FAM135B: variants seen among roughly 807,000 people sequenced by gnomAD.
FAM135B encodes the protein family with sequence similarity 135 member B.
A neutral mutation model predicts 127.7 loss-of-function variants in FAM135B; 43 were observed. That is an observed-to-expected ratio of 0.34 (90% confidence interval 0.26 to 0.43). The LOEUF is 0.43. Ranked by LOEUF, FAM135B falls within the 20% of genes least tolerant of loss-of-function variation. The pLI is 1.00. For synonymous variants in FAM135B, 670 were observed against 665.1 expected, an observed-to-expected ratio of 1.01 and a Z score of -0.11; for missense variants, 1,558 against 1,725.6, an observed-to-expected ratio of 0.90 and a Z score of 1.72.
At chr8:138,431,138 A>C (rs1293437363) in intron 1 of FAM135B, among the ~76,000 whole-genome samples, 5 of 152,190 alleles carry the variant, frequency 3.3e-5, no homozygotes, top group Admixed American at 6.5e-5. Context: ...ACCACTGAAA[A>C]TGGGGAAAAT....
At chr8:138,426,425 T>TA (rs947018827) in intron 1 of FAM135B, among the ~76,000 whole-genome samples, 9 of 151,642 alleles carry the variant, frequency 5.9e-5, no homozygotes, top group Non-Finnish European at 8.8e-5. Flanking sequence ...CAATATCTAC[T>TA]AAAACTAAGC....
intron 7 of FAM135B, among the ~76,000 whole-genome samples, chr8:138,217,584 C>T (rs980290098): frequency 6.6e-6 from 1 of 152,014 alleles, no homozygotes; most frequent in African/African-American, 2.4e-5. Flanking sequence ...GCGCCCACCG[C>T]CACACCCAGC....
chr8:138,197,734 T>C (rs2131142800), intron 7 of FAM135B, 65 bp from the exon 8 acceptor site: 1 of 1,545,722 alleles, frequency 6.5e-7, no homozygotes, highest in Non-Finnish European at 8.9e-7. Flanking sequence ...CACAGGGCTG[T>C]GATGCTCCAT....
At chr8:138,369,244 G>C (rs1309755409) in intron 1 of FAM135B, among the ~76,000 whole-genome samples, 1 of 152,158 alleles carries the variant, frequency 6.6e-6, no homozygotes, top group African/African-American at 2.4e-5. Context: ...AGAAGGAGGA[G>C]AGGGGAAAGG....
chr8:138,145,475 A>T (rs1311534695), intron 15 of FAM135B, among the ~76,000 whole-genome samples: 1 of 152,114 alleles, frequency 6.6e-6, no homozygotes, highest in Non-Finnish European at 1.5e-5. Context: ...CTGTGAGGAG[A>T]TGGTGGTATC....
intron 10 of FAM135B, among the ~76,000 whole-genome samples, chr8:138,177,856 C>A (rs967415803): frequency 1.3e-5 from 2 of 152,210 alleles, no homozygotes; most frequent in Non-Finnish European, 2.9e-5. Context: ...AGATGTTGAT[C>A]TAAATACCAG....
intron 1 of FAM135B, among the ~76,000 whole-genome samples, chr8:138,479,942 G>A (rs1327000950): frequency 6.6e-6 from 1 of 152,008 alleles, no homozygotes; most frequent in Non-Finnish European, 1.5e-5. Flanking sequence ...ATCCCCCAAG[G>A]CTTACCCCAT....
chr8:138,160,408 A>C (rs189361360), intron 12 of FAM135B, among the ~76,000 whole-genome samples: 217 of 151,660 alleles, frequency 1.4e-3, no homozygotes, highest in African/African-American at 5.0e-3. Flanking sequence ...TTTTCTTTTG[A>C]GATGGAGTCT....
chr8:138,289,185 G>C (rs1033307470), intron 3 of FAM135B, among the ~76,000 whole-genome samples: 1 of 152,186 alleles, frequency 6.6e-6, no homozygotes, highest in Non-Finnish European at 1.5e-5. Flanking sequence ...ATAAAAGAGA[G>C]AGATTCTTGC....
chr8:138,160,567 T>TG, intron 12 of FAM135B, among the ~76,000 whole-genome samples: 1 of 151,118 alleles, frequency 6.6e-6, no homozygotes, highest in African/African-American at 2.4e-5. Flanking sequence ...TTTTTTTTTT[T>TG]TTTGTATTTT....
At chr8:138,356,586 A>T (rs1170308675) in intron 2 of FAM135B, among the ~76,000 whole-genome samples, 1 of 152,196 alleles carries the variant, frequency 6.6e-6, no homozygotes, top group African/African-American at 2.4e-5. Context: ...ATGATGGTGA[A>T]GTGATTTTTT....
At chr8:138,248,527 T>A (rs1489835434) in intron 6 of FAM135B, among the ~76,000 whole-genome samples, 1 of 152,122 alleles carries the variant, frequency 6.6e-6, no homozygotes, top group East Asian at 1.9e-4. Flanking sequence ...ATCTCATTTT[T>A]AAAAAATTTC....
At position 138,484,515 on chromosome 8, in the gene FAM135B, T is replaced by C. The variant is rs529203527; in HGVS notation, c.-20+12156A>G. Among the ~76,000 whole-genome samples the C allele has an allele frequency of 5.3e-5, 8 of 152,318 alleles. No individual in the cohort carries two copies. The South Asian group carries it at 1.7e-3, about 32-fold the overall frequency. ...GAACAGTATTTTGCCCTCTTGGCTT[T>C]TATTTTTTTAGGGCTAATGATGGCC... is the stretch of plus-strand genomic sequence containing the variant. On this transcript the variant is annotated intron_variant, in intron 1 of 19. Transcript: ENST00000395297.
At chr8:138,222,810 T>C (rs1454202632) in intron 7 of FAM135B, among the ~76,000 whole-genome samples, 4 of 152,066 alleles carry the variant, frequency 2.6e-5, no homozygotes, top group Non-Finnish European at 5.9e-5. Context: ...TGAATAATTA[T>C]TCTTAAATTA....
intron 5 of FAM135B, among the ~76,000 whole-genome samples, chr8:138,251,539 GAAC>G (rs1469280800): frequency 8.5e-5 from 13 of 152,114 alleles, no homozygotes; most frequent in African/African-American, 2.7e-4. Flanking sequence ...GAATTAAAAT[GAAC>G]AACTGACTGA....
chr8:138,316,604 G>C (rs1827112888), intron 2 of FAM135B, among the ~76,000 whole-genome samples: 1 of 152,184 alleles, frequency 6.6e-6, no homozygotes, highest in South Asian at 2.1e-4. Context: ...CAATTATGCA[G>C]GCAAAGTGGA....
At chr8:138,324,834 G>A (rs543993596) in intron 2 of FAM135B, among the ~76,000 whole-genome samples, 22 of 152,278 alleles carry the variant, frequency 1.4e-4, no homozygotes, top group Non-Finnish European at 2.6e-4. Flanking sequence ...TATCCTGACC[G>A]GGGGAAGAAT....
intron 2 of FAM135B, among the ~76,000 whole-genome samples, chr8:138,314,721 A>AAATAAATAAATAAATAAATT (rs1396736185): frequency 3.3e-5 from 5 of 150,746 alleles, no homozygotes; most frequent in African/African-American, 4.9e-5. Flanking sequence ...ATAAATAAAT[A>AAATAAATAAATAAATAAATT]AATTAGCTGG....
At chr8:138,297,713 C>T (rs539412577) in intron 3 of FAM135B, among the ~76,000 whole-genome samples, 4 of 152,172 alleles carry the variant, frequency 2.6e-5, no homozygotes, top group Non-Finnish European at 5.9e-5. Flanking sequence ...AGGAAGGAAT[C>T]TGGTTCTGCA....
Sources: gnomAD v4.1 joint callset for allele counts (sites outside exome capture counted in the v4.1 genomes callset) on GRCh38, gnomAD v4.1.1 for gene constraint, MANE v1.5 for transcripts, NCBI Gene and HGNC (gene_info 2026-07-23, HGNC 2026-07-21) for gene names.